Variants in FAM135A observed in about 807,000 individuals in gnomAD.
FAM135A encodes the protein protein FAM135A.
A neutral mutation model predicts 146.8 loss-of-function variants in FAM135A; 79 were observed. The ratio of observed to expected loss-of-function variants is 0.54; its 90% CI spans 0.45 to 0.65. The LOEUF (loss-of-function observed/expected upper bound fraction) is 0.65, where lower values mean the gene tolerates loss of function less well. Ranked by LOEUF, FAM135A falls within the 30% of genes least tolerant of loss-of-function variation. The probability of loss-of-function intolerance (pLI) is 0.00; values close to 1 mark genes in which losing one functional copy is unlikely to be tolerated. For missense variants in FAM135A, 1,623 were observed against 1,758.2 expected (o/e 0.92, Z 1.38); for synonymous variants, 562 against 603.6 (o/e 0.93, Z 1.01).
chr6:70,450,728 T>G (rs1322605026), intron 4 of FAM135A, among the ~76,000 whole-genome samples: 3 of 64,138 alleles, frequency 4.7e-5, no homozygotes, highest in East Asian at 3.9e-4. Flanking sequence ...TTTTTTTTTT[T>G]TTTTTTTTTT....
chr6:70,466,351 G>T (rs1415318579), intron 5 of FAM135A, among the ~76,000 whole-genome samples: 1 of 152,048 alleles, frequency 6.6e-6, no homozygotes, highest in Admixed American at 6.6e-5. Context: ...ATCATTATGA[G>T]TGCATTTTGT....
chr6:70,538,826 T>C (rs1405695464), intron 20 of FAM135A, among the ~76,000 whole-genome samples: 1 of 145,728 alleles, frequency 6.9e-6, no homozygotes, highest in Non-Finnish European at 1.5e-5. Context: ...TTATATTATA[T>C]TATATTATAT....
At chr6:70,463,509 C>T (rs1474523839) in intron 5 of FAM135A, among the ~76,000 whole-genome samples, 1 of 152,074 alleles carries the variant, frequency 6.6e-6, no homozygotes, top group African/African-American at 2.4e-5. Context: ...GTCTTCTCAC[C>T]TCTGCCTCCC....
intron 12 of FAM135A, among the ~76,000 whole-genome samples, chr6:70,520,889 C>A (rs1324469077): frequency 6.6e-6 from 1 of 152,090 alleles, no homozygotes; most frequent in Non-Finnish European, 1.5e-5. Flanking sequence ...TGGGTGCATA[C>A]AAGAAAGATT....
chr6:70,526,802 C>CACACATAT (rs1554161866), intron 15 of FAM135A, 104 bp downstream of exon 15: 1 of 527,862 alleles, frequency 1.9e-6, no homozygotes, highest in Admixed American at 4.3e-5. Context: ...CACACACACA[C>CACACATAT]ATATATATAT....
chr6:70,542,151 A>G (rs534481637), intron 20 of FAM135A, among the ~76,000 whole-genome samples: 85 of 152,070 alleles, frequency 5.6e-4, no homozygotes, highest in Non-Finnish European at 1.1e-3. Flanking sequence ...ATCTTTCATG[A>G]TGCTTTGTGG....
chr6:70,528,210 T>C, intron 15 of FAM135A, 82 bp from the exon 16 acceptor site: 1 of 1,362,854 alleles, frequency 7.3e-7, no homozygotes, highest in Non-Finnish European at 9.8e-7. Context: ...GGGTTTCCAC[T>C]TCTACAATTC....
intron 4 of FAM135A, among the ~76,000 whole-genome samples, chr6:70,432,360 G>A (rs1162270430): frequency 1.3e-5 from 2 of 152,046 alleles, no homozygotes; most frequent in African/African-American, 4.8e-5. Context: ...CTAGATCAAA[G>A]CAGGAAAAGG....
chr6:70,546,200 C>G (rs1408484083), intron 20 of FAM135A, among the ~76,000 whole-genome samples: 1 of 152,010 alleles, frequency 6.6e-6, no homozygotes. Flanking sequence ...TTAAATAAAA[C>G]AGGAAAACAT....
intron 4 of FAM135A, among the ~76,000 whole-genome samples, chr6:70,451,365 T>C (rs1193879295): frequency 6.6e-6 from 1 of 152,238 alleles, no homozygotes; most frequent in Non-Finnish European, 1.5e-5. Context: ...GCTTGATCTT[T>C]AGTCAAAACC....
At chr6:70,520,276 A>T (rs541804889) in intron 12 of FAM135A, among the ~76,000 whole-genome samples, 1 of 152,174 alleles carries the variant, frequency 6.6e-6, no homozygotes, top group African/African-American at 2.4e-5. Flanking sequence ...AAACAATTTT[A>T]TGATAATTTT....
intron 7 of FAM135A, among the ~76,000 whole-genome samples, 200 bp downstream of exon 7, chr6:70,475,933 C>T (rs140265928): frequency 6.6e-6 from 1 of 152,118 alleles, no homozygotes; most frequent in Non-Finnish European, 1.5e-5. Context: ...GATAACAAAA[C>T]CAGACAAGTT....
At position 70,482,985 on chromosome 6, in the gene FAM135A, T is replaced by TA. The variant is rs534795875; in HGVS notation, c.823+832dup. Among the ~76,000 whole-genome samples the TA allele has an allele frequency of 5.6e-3, 859 of 152,304 alleles. 3 individuals carry two copies. The highest frequency in any genetic ancestry group is 8.2e-3 in the Non-Finnish European group (559 of 67,998). On this transcript the variant is annotated intron_variant, in intron 10 of 21. Coordinates refer to ENST00000418814, the MANE Select transcript of FAM135A (RefSeq NM_001162529.3). ...TTAAAATTTATTGAATCTGTATTCTTACTTTATTCCTTTGTTCCTCAAGGA... is the reference window on the plus strand; with the variant it reads ...TTAAAATTTATTGAATCTGTATTCTTAACTTTATTCCTTTGTTCCTCAAGGA...
At chr6:70,460,900 T>C (rs1228714555) in intron 5 of FAM135A, among the ~76,000 whole-genome samples, 2 of 150,896 alleles carry the variant, frequency 1.3e-5, no homozygotes, top group African/African-American at 4.9e-5. Flanking sequence ...CTCGGCTCAC[T>C]GCAACCTCCG....
chr6:70,527,491 T>C (rs943789528), intron 15 of FAM135A, among the ~76,000 whole-genome samples: 1 of 152,124 alleles, frequency 6.6e-6, no homozygotes, highest in Non-Finnish European at 1.5e-5. Context: ...AATTGTGATA[T>C]GCAGGGAAAA....
intron 4 of FAM135A, among the ~76,000 whole-genome samples, chr6:70,443,936 A>T (rs1464103000): frequency 6.6e-6 from 1 of 152,198 alleles, no homozygotes; most frequent in Non-Finnish European, 1.5e-5. Context: ...TCAGCTCTTC[A>T]GTAATTTTAC....
intron 10 of FAM135A, 59 bp from the exon 11 acceptor site, chr6:70,490,975 A>G: frequency 7.9e-7 from 1 of 1,260,598 alleles, no homozygotes; most frequent in Non-Finnish European, 1.1e-6. Context: ...TGGGAATTTT[A>G]TTTATATAAA....
intron 4 of FAM135A, among the ~76,000 whole-genome samples, chr6:70,440,679 T>A (rs1774253699): frequency 6.6e-6 from 1 of 152,152 alleles, no homozygotes; most frequent in South Asian, 2.1e-4. Flanking sequence ...TAAGAGCTTT[T>A]TTGTACATAT....
intron 20 of FAM135A, 101 bp from the exon 21 acceptor site, chr6:70,556,649 C>A: frequency 1.4e-6 from 1 of 705,958 alleles, no homozygotes; most frequent in Non-Finnish European, 2.2e-6. Flanking sequence ...AAACTTAGTA[C>A]TGCTAAGGAA....
Sources: allele counts gnomAD v4.1 joint callset (sites outside exome capture counted in the v4.1 genomes callset), GRCh38; gene constraint gnomAD v4.1.1; transcripts MANE v1.5; gene names NCBI Gene and HGNC (gene_info 2026-07-23, HGNC 2026-07-21).